Variants in AKAP7 observed in about 807,000 individuals in gnomAD.
The protein encoded by AKAP7 is A kinase (PRKA) anchor protein 7.
Under a neutral mutation model 39.5 loss-of-function variants are expected in AKAP7, and 39 were observed. That is an observed-to-expected ratio of 0.99 (90% CI 0.76 to 1.29). AKAP7 has a LOEUF of 1.29. Ranked by LOEUF, AKAP7 falls within the 50% of genes most tolerant of loss-of-function variation. The probability of loss-of-function intolerance (pLI) is 0.00; values close to 1 mark genes in which losing one functional copy is unlikely to be tolerated. For missense variants in AKAP7, 414 were observed against 407.7 expected (o/e 1.02, Z -0.13); for synonymous variants, 140 against 139.1 (o/e 1.01, Z -0.05).
intron 6 of AKAP7, among the ~76,000 whole-genome samples, chr6:131,219,110 T>TA (rs1370747660): frequency 6.6e-6 from 1 of 151,874 alleles, no homozygotes; most frequent in Non-Finnish European, 1.5e-5. Context: ...CTACTAAAAT[T>TA]ACAAAAAATA....
chr6:131,160,126 AAAG>A lies in AKAP7; in HGVS notation c.224_226del (p.Lys75del). The A allele has an allele frequency of 6.2e-7, 1 of 1,612,216 alleles. No homozygotes were observed. Among genetic ancestry groups the A allele is most frequent in the South Asian group, 1.1e-5 (1 of 90,656 alleles). The stretch of plus-strand genomic sequence containing the variant: ...ATGAATGGGTCAAGAGTGATCAAGT[AAAG>A]AAGAGGAAAAAAAAGAGAAAAGATT... On this transcript the variant is annotated inframe_deletion, in exon 3 of 8. Transcript: ENST00000431975.
At chr6:131,225,410 T>A (rs1296297526) in intron 7 of AKAP7, among the ~76,000 whole-genome samples, 2 of 152,226 alleles carry the variant, frequency 1.3e-5, no homozygotes, top group African/African-American at 2.4e-5. Flanking sequence ...AGTTGGGATT[T>A]CTTCTTCTGG....
intron 7 of AKAP7, chr6:131,250,085 A>G (rs564052786): frequency 3.7e-4 from 299 of 802,578 alleles, no homozygotes; most frequent in Non-Finnish European, 4.2e-4. Flanking sequence ...TCTCCTAGGG[A>G]TAAAAGAAGG....
At chr6:131,193,203 C>T (rs773251622) in intron 5 of AKAP7, among the ~76,000 whole-genome samples, 8 of 152,034 alleles carry the variant, frequency 5.3e-5, no homozygotes, top group South Asian at 2.1e-4. Flanking sequence ...CAGTATGATA[C>T]GAGATGTGGA....
intron 6 of AKAP7, 79 bp from the exon 7 acceptor site, chr6:131,219,582 G>T (rs1473850101): frequency 7.6e-6 from 10 of 1,310,016 alleles, no homozygotes; most frequent in Non-Finnish European, 1.1e-5. Flanking sequence ...TAATAATCAG[G>T]TTCAAAGAAA....
chr6:131,250,118 C>T (rs1320122389), intron 7 of AKAP7: 15 of 959,810 alleles, frequency 1.6e-5, no homozygotes, highest in Non-Finnish European at 1.7e-5. Flanking sequence ...AAGTAGCAGA[C>T]AGAAAATATG....
At chr6:131,131,259 G>A (rs1800321556), upstream of AKAP7, among the ~76,000 whole-genome samples, 1 of 152,150 alleles carries the variant, frequency 6.6e-6, no homozygotes, top group African/African-American at 2.4e-5. Context: ...CCACTGGGGA[G>A]GTCAGATAAG....
intron 2 of AKAP7, among the ~76,000 whole-genome samples, chr6:131,149,097 G>A (rs757265346): frequency 1.3e-5 from 2 of 152,204 alleles, no homozygotes; most frequent in Non-Finnish European, 2.9e-5. Flanking sequence ...AGTGTCTCTC[G>A]ATTGTCAGCT....
At chr6:131,162,977 G>A (rs1328835664) in intron 3 of AKAP7, among the ~76,000 whole-genome samples, 1 of 150,992 alleles carries the variant, frequency 6.6e-6, no homozygotes, top group Non-Finnish European at 1.5e-5. Flanking sequence ...AAGAGTAGGT[G>A]CGCACACATA....
intron 4 of AKAP7, among the ~76,000 whole-genome samples, chr6:131,166,124 C>T (rs1803462412): frequency 6.6e-6 from 1 of 152,142 alleles, no homozygotes; most frequent in South Asian, 2.1e-4. Context: ...GTCTTTTAAA[C>T]AGTAGAACCT....
chr6:131,180,620 T>A (rs1047783070), intron 5 of AKAP7, among the ~76,000 whole-genome samples: 1 of 152,174 alleles, frequency 6.6e-6, no homozygotes, highest in Non-Finnish European at 1.5e-5. Context: ...GTTGCCTGCA[T>A]TATCTGTCTT....
intron 7 of AKAP7, among the ~76,000 whole-genome samples, chr6:131,227,142 G>T (rs1253878413): frequency 6.6e-6 from 1 of 152,164 alleles, no homozygotes; most frequent in African/African-American, 2.4e-5. Context: ...AGCTGAATGG[G>T]ATGAGATTGA....
At chr6:131,204,339 C>T (rs1327208781) in intron 6 of AKAP7, among the ~76,000 whole-genome samples, 1 of 152,044 alleles carries the variant, frequency 6.6e-6, no homozygotes, top group East Asian at 1.9e-4. Flanking sequence ...TAAGCAGCTA[C>T]TGAAGTAGAT....
intron 6 of AKAP7, among the ~76,000 whole-genome samples, chr6:131,217,621 T>G (rs80327315): frequency 2.6e-5 from 4 of 152,196 alleles, no homozygotes; most frequent in African/African-American, 7.2e-5. Flanking sequence ...TAGTAAAAAT[T>G]AACTCCTAAA....
At chr6:131,215,345 T>C (rs759498752) in intron 6 of AKAP7, among the ~76,000 whole-genome samples, 7 of 152,224 alleles carry the variant, frequency 4.6e-5, no homozygotes, top group Non-Finnish European at 1.0e-4. Context: ...CGCAAGGCCG[T>C]TCTCACCCTG....
At chr6:131,175,173 A>G (rs1804455196) in intron 5 of AKAP7, among the ~76,000 whole-genome samples, 1 of 152,146 alleles carries the variant, frequency 6.6e-6, no homozygotes, top group Non-Finnish European at 1.5e-5. Context: ...AAGGTTTTCA[A>G]CCTCATCATT....
At chr6:131,258,648 T>A (rs1021408593) in intron 7 of AKAP7, among the ~76,000 whole-genome samples, 1 of 152,212 alleles carries the variant, frequency 6.6e-6, no homozygotes, top group Non-Finnish European at 1.5e-5. Context: ...TCTTTGCCCT[T>A]AGCAAATAGT....
At chr6:131,248,120 G>C (rs991916320) in intron 7 of AKAP7, among the ~76,000 whole-genome samples, 1 of 152,204 alleles carries the variant, frequency 6.6e-6, no homozygotes, top group South Asian at 2.1e-4. Context: ...AAAATTGGAA[G>C]AGCAGGAGGC....
intron 5 of AKAP7, among the ~76,000 whole-genome samples, chr6:131,195,916 T>G (rs944619382): frequency 6.6e-6 from 1 of 152,154 alleles, no homozygotes; most frequent in African/African-American, 2.4e-5. Flanking sequence ...TAAATGCCTT[T>G]AGGTAGTCTT....
Sources: allele counts gnomAD v4.1 joint callset (sites outside exome capture counted in the v4.1 genomes callset), GRCh38; gene constraint gnomAD v4.1.1; transcripts MANE v1.5; gene names NCBI Gene and HGNC (gene_info 2026-07-23, HGNC 2026-07-21).